The following GPI variants were observed in gnomAD, a reference collection of about 807,000 sequenced individuals.
The protein encoded by GPI is D-hexose-6-phosphate anomerase.
A neutral mutation model predicts 75.8 loss-of-function variants in GPI; 56 were observed. That is an observed-to-expected ratio of 0.74 (90% confidence interval 0.60 to 0.92). GPI has a LOEUF of 0.92. GPI is among the 40% of genes least tolerant of loss of function. The pLI is 0.00. For synonymous variants in GPI, 288 were observed against 285.4 expected (o/e 1.01, Z -0.09); for missense variants, 638 against 741.0 (o/e 0.86, Z 1.61).
intron 4 of GPI, 100 bp downstream of exon 4, chr19:34,368,802 G>A: frequency 1.2e-5 from 17 of 1,382,558 alleles, no homozygotes; most frequent in Non-Finnish European, 1.6e-5. Flanking sequence ...CTTGTAGGCA[G>A]GACTCAGGTT....
In GPI at chr19:34,394,399, G is replaced by A. The variant is rs997749618; in HGVS notation, c.1062+333G>A. Among the ~76,000 whole-genome samples, 4 of 101,550 alleles carry A rather than the reference G, an allele frequency of 3.9e-5. No homozygotes were observed. The East Asian group carries it at 1.1e-3, about 29-fold the overall frequency. The allele number at this position is 101,550 out of a possible 152,430, so 66.6% of individuals were successfully genotyped here. On this transcript the variant is annotated intron_variant, in intron 12 of 17. Coordinates refer to ENST00000356487, the MANE Select transcript of GPI (RefSeq NM_000175.5). ...ATGCATGCCTACCATAGTGTCTGAG[G>A]ACGTAGGATCTAGCCCTGGTATGAG...
chr19:34,385,360 CAA>C (rs58133757), intron 9 of GPI, among the ~76,000 whole-genome samples: 64 of 95,070 alleles, frequency 6.7e-4, no homozygotes, highest in Admixed American at 2.7e-3. Context: ...AAACAAAAAA[CAA>C]AAAAAAAAAA....
chr19:34,367,223 G>A (rs2074381229), intron 3 of GPI: 2 of 364,170 alleles, frequency 5.5e-6, no homozygotes, highest in Non-Finnish European at 1.1e-5. Flanking sequence ...TCAAGCAGTA[G>A]GAGTCAATAG....
rs1349799499 is a variant in GPI at position 34,396,701 on chromosome 19, T to C, written c.1269+44T>C. On this transcript the variant is annotated intron_variant, in intron 14 of 17. Coordinates refer to ENST00000356487, the MANE Select transcript of GPI (RefSeq NM_000175.5). ...CCCCATCTGGGGGGTCTGGCTCACA[T>C]TGCACCCAGACCTCTGAAAACCTGG... is the stretch of plus-strand genomic sequence containing the variant. The C allele has an allele frequency of 2.0e-6, 3 of 1,503,760 alleles. No homozygotes were observed. The African/African-American group carries it at 4.1e-5, about 21-fold the overall frequency. The allele number at this position is 1,503,760 out of a possible 1,614,324, so 93.2% of individuals were successfully genotyped here. A position where few individuals can be genotyped will look rare whatever the true frequency, so the allele number is the denominator to read the frequency against.
chr19:34,379,956 G>T, intron 8 of GPI: 3 of 248,138 alleles, frequency 1.2e-5, no homozygotes, highest in South Asian at 5.6e-5. Context: ...GAAGGGAGGT[G>T]ACATTTTGCC....
intron 9 of GPI, among the ~76,000 whole-genome samples, chr19:34,388,596 T>C (rs950431004): frequency 6.6e-6 from 1 of 152,184 alleles, no homozygotes; most frequent in Non-Finnish European, 1.5e-5. Flanking sequence ...GCTGCATCTA[T>C]AATGTATGGT....
chr19:34,365,401 C>G lies in GPI; in HGVS notation c.122+13C>G. The G allele has an allele frequency of 2.6e-6, 4 of 1,566,614 alleles. No homozygotes were observed. Among genetic ancestry groups the G allele is most frequent in the Non-Finnish European group, 2.6e-6 (3 of 1,161,054 alleles). On this transcript the variant is annotated intron_variant, in intron 1 of 17. Coordinates refer to ENST00000356487, the MANE Select transcript of GPI (RefSeq NM_000175.5). ...TCAACCACTTCAGGTGCGGGCGGGC[C>G]GGAGGCGGGGGCTGCCACGCGCGGC...
intron 4 of GPI, among the ~76,000 whole-genome samples, chr19:34,371,898 A>G (rs2074458861): frequency 1.3e-5 from 2 of 151,070 alleles, no homozygotes; most frequent in Admixed American, 1.3e-4. Context: ...GGGATGCTTC[A>G]TTATAACAAA....
intron 4 of GPI, among the ~76,000 whole-genome samples, chr19:34,374,058 C>G (rs1246359763): frequency 6.6e-6 from 1 of 152,010 alleles, no homozygotes; most frequent in Non-Finnish European, 1.5e-5. Context: ...ACCTCCGGTC[C>G]CCGGCTCAAG....
rs1034926125 is a variant in GPI, at chr19:34,393,021, C to T, written c.805-227C>T. ...GGGCCCGACATCTCAGGGAAGACCA[C>T]GGTAAGCTCTTCAGTTTGTCTTGTG... On this transcript the variant is annotated intron_variant, in intron 9 of 17. Transcript: ENST00000356487. The surrounding 1 kb of genome is among the most constrained non-coding windows in gnomAD (Gnocchi z 4.4). 2.2e-5 allele frequency: 13 copies of T among 596,968 alleles called. 1 individual carries two copies. Among genetic ancestry groups the T allele is most frequent in the Middle Eastern group, 9.0e-4 (2 of 2,214 alleles). The allele number at this position is 596,968 out of a possible 1,614,324, so 37.0% of individuals were successfully genotyped here.
upstream of GPI, among the ~76,000 whole-genome samples, chr19:34,361,388 G>T (rs749824245): frequency 1.3e-5 from 2 of 152,024 alleles, no homozygotes; most frequent in Admixed American, 6.6e-5. Context: ...CACCGTGCCC[G>T]GCCTCATTTC....
chr19:34,365,814 G>A (rs1235150642), intron 1 of GPI: 1 of 472,370 alleles, frequency 2.1e-6, no homozygotes, highest in Non-Finnish European at 4.2e-6. Context: ...CAGCCCGGGC[G>A]GGGGTGTTTG....
intron 4 of GPI, among the ~76,000 whole-genome samples, chr19:34,372,642 TAAAAC>T (rs923508777): frequency 6.6e-6 from 1 of 152,144 alleles, no homozygotes; most frequent in African/African-American, 2.4e-5. Context: ...ACCCTGTCGT[TAAAAC>T]AAAACTAAAA....
chr19:34,368,199 G>A lies in GPI; in HGVS notation c.283-384G>A, dbSNP rs2074394696. Among the ~76,000 whole-genome samples the A allele has an allele frequency of 3.3e-5, 5 of 152,256 alleles. No homozygotes were observed. In the South Asian group the frequency reaches 1.0e-3, roughly 31 times the overall value. ...GCCTCCCAGAGTTCCGGGATTACAG[G>A]CGTGAGCCATGGCGCCCGGCCTCTG... On this transcript the variant is annotated intron_variant, in intron 3 of 17. Transcript: ENST00000356487.
chr19:34,367,021 C>T (rs1029699692), intron 3 of GPI, 170 bp downstream of exon 3: 3 of 704,906 alleles, frequency 4.3e-6, no homozygotes, highest in Non-Finnish European at 7.8e-6. Context: ...TTGGGGTGTG[C>T]CTTCCACAAG....
upstream of GPI, among the ~76,000 whole-genome samples, chr19:34,361,423 T>C (rs1018195355): frequency 6.6e-6 from 1 of 152,020 alleles, no homozygotes; most frequent in Non-Finnish European, 1.5e-5. Flanking sequence ...CTCTGTTAAA[T>C]GGGGAGGACA....
intron 9 of GPI, among the ~76,000 whole-genome samples, chr19:34,388,901 T>C (rs756704888): frequency 6.6e-6 from 1 of 152,084 alleles, no homozygotes; most frequent in Non-Finnish European, 1.5e-5. Context: ...AAAACCTGCC[T>C]GGACAACAGA....
chr19:34,379,558 A>T lies in GPI; in HGVS notation c.746A>T (p.Asn249Ile), dbSNP rs1568335528. Residue 249 changes from asparagine (N) to isoleucine (I), a missense_variant, in exon 8 of 18, where the codon AAC becomes ATC. By Grantham distance (149) the Asn-to-Ile change is moderately radical. Transcript: ENST00000356487. Reference protein sequence around the residue: ...VAKHFVALSTNTTKVKEFGID... With the variant: ...VAKHFVALSTITTKVKEFGID... ...AAGCACTTTGTTGCCCTGTCTACTA[A>T]CACAGTAAGTGCCCCCGTGGTCCCC... is the stretch of plus-strand genomic sequence containing the variant. The T allele has an allele frequency of 6.2e-7, 1 of 1,613,662 alleles. No individual in the cohort carries two copies. The highest frequency in any genetic ancestry group is 8.5e-7 in the Non-Finnish European group (1 of 1,179,540).
At position 34,377,774 on chromosome 19, in the gene GPI, T is replaced by C; in HGVS notation, c.526T>C (p.Ser176Pro). The change falls in exon 6 of 18, where the codon TCA becomes CCA. Residue 176 changes from serine to proline, a missense_variant. Transcript: ENST00000356487. ...MVTEALKPYS[S>P]GGPRVWYVSN... ...GACTGAAGCCCTTAAGCCATACTCT[T>C]CAGGAGGTCCCCGCGTCTGGTATGT... The C allele has an allele frequency of 3.1e-6, 5 of 1,613,962 alleles. No individual in the cohort carries two copies. Among genetic ancestry groups the C allele is most frequent in the Non-Finnish European group, 4.2e-6 (5 of 1,179,910 alleles).
Sources: allele counts gnomAD v4.1 joint callset (sites outside exome capture counted in the v4.1 genomes callset), GRCh38; gene constraint gnomAD v4.1.1; non-coding constraint Gnocchi (gnomAD v3.1); transcripts MANE v1.5; gene names NCBI Gene and HGNC (gene_info 2026-07-23, HGNC 2026-07-21).